IRGM: variants seen among roughly 807,000 people sequenced by gnomAD.
IRGM encodes immunity related GTPase M, also known as immunity-related GTPase family M protein.
For synonymous variants in IRGM, 98 were observed against 80.6 expected, an observed-to-expected ratio of 1.22 and a Z score of -1.16; for missense variants, 288 against 219.9, an observed-to-expected ratio of 1.31 and a Z score of -1.96.
chr5:150,878,659 A>G (rs1465827571), intron 2 of IRGM, among the ~76,000 whole-genome samples: 1 of 152,130 alleles, frequency 6.6e-6, no homozygotes, highest in African/African-American at 2.4e-5. Flanking sequence ...GGTATTCCCA[A>G]TTCTGAATAC....
intron 3 of IRGM, among the ~76,000 whole-genome samples, chr5:150,881,702 CA>C (rs1754448061): frequency 6.6e-6 from 1 of 151,820 alleles, no homozygotes; most frequent in Non-Finnish European, 1.5e-5. Context: ...CTACACAATA[CA>C]AAAAGATGTA....
chr5:150,847,960 C>T lies in IRGM; in HGVS notation c.-164C>T, dbSNP rs1230041672. 5 of 602,392 alleles carry T rather than the reference C, an allele frequency of 8.3e-6. No individual in the cohort carries two copies. The highest frequency in any genetic ancestry group is 1.5e-5 in the Non-Finnish European group (5 of 344,260). 37.3% of individuals were successfully genotyped at this position (602,392 alleles called of 1,614,324 possible). On this transcript the variant is annotated 5_prime_UTR_variant, in exon 2 of 2. The change creates a new upstream start codon in the 5' untranslated region. Transcript: ENST00000522154. ...CTGGGACTACAGGCGCACACCACCA[C>T]GCGCAGCTAATTTTTTTGTATTTTA...
chr5:150,894,459 C>A (rs936391184), intron 3 of IRGM: 1 of 152,152 alleles, frequency 6.6e-6, no homozygotes, highest in Non-Finnish European at 1.5e-5. Context: ...TATTAAAAAA[C>A]ACAACCTTAA....
At chr5:150,880,259 C>G (rs1332264169) in intron 3 of IRGM, among the ~76,000 whole-genome samples, 1 of 152,154 alleles carries the variant, frequency 6.6e-6, no homozygotes, top group Non-Finnish European at 1.5e-5. Context: ...AAGTGAGGGT[C>G]CTCGGCATGT....
intron 3 of IRGM, among the ~76,000 whole-genome samples, chr5:150,888,005 C>A (rs10064334): frequency 0.21 from 31,760 of 151,694 alleles, 5,366 homozygotes; most frequent in African/African-American, 0.45. Context: ...CTGAGTGGCC[C>A]GCTGGATAAA....
At chr5:150,853,000 G>C (rs1753997419), downstream of IRGM, among the ~76,000 whole-genome samples, 1 of 152,000 alleles carries the variant, frequency 6.6e-6, no homozygotes, top group Non-Finnish European at 1.5e-5. Flanking sequence ...TTTGGGTTTA[G>C]ATCATTATTC....
intron 3 of IRGM, among the ~76,000 whole-genome samples, chr5:150,892,922 A>G (rs1194170139): frequency 6.6e-6 from 1 of 151,544 alleles, no homozygotes; most frequent in African/African-American, 2.4e-5. Flanking sequence ...TGTTGTTCCT[A>G]TTTTGTGTGT....
At position 150,858,411 on chromosome 5, in the gene IRGM, T is replaced by C. The variant is rs1366069747; in HGVS notation, c.158+9757T>C. 9.2e-5 allele frequency among the ~76,000 whole-genome samples: 14 copies of C among 152,284 alleles called. No individual in the cohort carries two copies. In the East Asian group the frequency reaches 2.7e-3, roughly 29 times the overall value. On this transcript the variant is annotated intron_variant and NMD_transcript_variant, in intron 1 of 3. Transcript: ENST00000520549. ...TTAGGATTGACTTGGTGATGTGGGC[T>C]CTTTTTTGGTTCCATATGAACTTTA...
chr5:150,870,043 C>T (rs925907324), intron 1 of IRGM, among the ~76,000 whole-genome samples: 4 of 151,968 alleles, frequency 2.6e-5, no homozygotes, highest in African/African-American at 7.3e-5. Flanking sequence ...GCCTATATCT[C>T]CAAGGAGGAA....
chr5:150,864,732 T>A (rs1754181677), intron 1 of IRGM, among the ~76,000 whole-genome samples: 1 of 152,352 alleles, frequency 6.6e-6, no homozygotes, highest in South Asian at 2.1e-4. Flanking sequence ...ACTCCTATTC[T>A]GTACATTGGC....
At chr5:150,877,386 C>T (rs1404813896) in intron 1 of IRGM, among the ~76,000 whole-genome samples, 4 of 152,180 alleles carry the variant, frequency 2.6e-5, no homozygotes, top group East Asian at 3.9e-4. Flanking sequence ...TTTAGTCTTC[C>T]GGCCTACATC....
At chr5:150,881,743 GA>G (rs1264183294) in intron 3 of IRGM, among the ~76,000 whole-genome samples, 2 of 152,158 alleles carry the variant, frequency 1.3e-5, no homozygotes, top group African/African-American at 2.4e-5. Flanking sequence ...ACATGTGGGA[GA>G]GGGGCAGTAA....
chr5:150,890,321 CTTA>C (rs552664041), intron 3 of IRGM, among the ~76,000 whole-genome samples: 163 of 151,964 alleles, frequency 1.1e-3, no homozygotes, highest in African/African-American at 3.7e-3. Context: ...ATAATCTTCC[CTTA>C]TTATTTTTTT....
chr5:150,851,398 A>G (rs1021887050), downstream of IRGM, among the ~76,000 whole-genome samples: 1 of 152,228 alleles, frequency 6.6e-6, no homozygotes, highest in Non-Finnish European at 1.5e-5. Flanking sequence ...GCAATTTAGC[A>G]TAAATAAGAG....
chr5:150,867,414 G>A (rs1180592498), intron 1 of IRGM, among the ~76,000 whole-genome samples: 1 of 152,076 alleles, frequency 6.6e-6, no homozygotes, highest in African/African-American at 2.4e-5. Context: ...ATATTTTTGA[G>A]ATTGTGAATT....
intron 1 of IRGM, among the ~76,000 whole-genome samples, chr5:150,856,913 A>G (rs1246789048): frequency 4.6e-5 from 3 of 65,670 alleles, no homozygotes; most frequent in Non-Finnish European, 7.9e-5. Flanking sequence ...ATAAATAAAT[A>G]TTTATTATTT....
chr5:150,847,183 C>T lies in IRGM; in HGVS notation c.-453C>T, dbSNP rs1397714890. 2 of 152,314 alleles carry T rather than the reference C, an allele frequency of 1.3e-5. No homozygotes were observed. The highest frequency in any genetic ancestry group is 6.5e-5 in the Admixed American group (1 of 15,278). The allele number at this position is 152,314 out of a possible 1,614,324, so 9.4% of individuals were successfully genotyped here. A position where few individuals can be genotyped will look rare whatever the true frequency, so the allele number is the denominator to read the frequency against. On this transcript the variant is annotated 5_prime_UTR_variant, in exon 1 of 2. Transcript: ENST00000522154. ...TTACTTCACGTATATTGCAGCATTT[C>T]AGTACTGCTCTGCACGTGTGCTCCC...
At chr5:150,861,974 A>T (rs891334197) in intron 1 of IRGM, among the ~76,000 whole-genome samples, 2 of 152,220 alleles carry the variant, frequency 1.3e-5, no homozygotes, top group African/African-American at 4.8e-5. Context: ...GATTATGTGG[A>T]TGAGAAGCCC....
intron 1 of IRGM, among the ~76,000 whole-genome samples, chr5:150,865,755 A>G (rs1754198852): frequency 6.6e-6 from 1 of 152,116 alleles, no homozygotes; most frequent in East Asian, 1.9e-4. Context: ...TCATTATCAG[A>G]AAAGATGACT....
Sources: gnomAD v4.1 joint callset for allele counts (sites outside exome capture counted in the v4.1 genomes callset) on GRCh38, gnomAD v4.1.1 for gene constraint, MANE v1.5 for transcripts, NCBI Gene and HGNC (gene_info 2026-07-23, HGNC 2026-07-21) for gene names.